MACROD2: variants seen among roughly 807,000 people sequenced by gnomAD.
The protein encoded by MACROD2 is mono-ADP ribosylhydrolase 2, also known as ADP-ribose glycohydrolase MACROD2.
MACROD2 carries 36 observed loss-of-function variants against 70.4 expected under a neutral mutation model. The observed-to-expected ratio is 0.51, with a 90% confidence interval of 0.39 to 0.68. The LOEUF (loss-of-function observed/expected upper bound fraction) is 0.68. Ranked by LOEUF, MACROD2 falls within the 30% of genes least tolerant of loss-of-function variation. MACROD2 has a pLI of 0.00. For missense variants in MACROD2, 496 were observed against 538.4 expected, an observed-to-expected ratio of 0.92 and a Z score of 0.78; for synonymous variants, 172 against 178.8, an observed-to-expected ratio of 0.96 and a Z score of 0.30.
intron 15 of MACROD2, 145 bp from the exon 16 acceptor site, chr20:16,041,056 C>A (rs2067300916): frequency 2.9e-6 from 2 of 694,318 alleles, no homozygotes; most frequent in East Asian, 2.8e-5. Context: ...CCCTCTGTTT[C>A]CTCTTTTAAC....
At chr20:14,457,739 C>T (rs1055868960) in intron 3 of MACROD2, among the ~76,000 whole-genome samples, 9 of 152,000 alleles carry the variant, frequency 5.9e-5, no homozygotes, top group Admixed American at 1.3e-4. Flanking sequence ...ATGTCCACAG[C>T]GGGGGCTGCA....
Position 15,995,649 on chromosome 20 carries a change from C to CTTTTTTTTTTTTTTTTTTTTTTTTTT in MACROD2, c.1153+8511_1153+8512insTTTTTTTTTTTTTTTTTTTTTTTTTT, listed in dbSNP as rs71192310. On this transcript the variant is annotated intron_variant, in intron 15 of 17. Transcript: ENST00000684519. ...ACAGGCATGAGCCACTATGCCCGGCCTTTTTTTTTTTTTTTTTTTTAACTT... is the reference window on the plus strand; with the variant it reads ...ACAGGCATGAGCCACTATGCCCGGCCTTTTTTTTTTTTTTTTTTTTTTTTTTTTTTTTTTTTTTTTTTTTTTAACTT... Among the ~76,000 whole-genome samples, 81 of 85,482 alleles carry CTTTTTTTTTTTTTTTTTTTTTTTTTT rather than the reference C, an allele frequency of 9.5e-4. 5 individuals are homozygous for CTTTTTTTTTTTTTTTTTTTTTTTTTT. The highest frequency in any genetic ancestry group is 9.6e-3 in the Middle Eastern group (1 of 104). The allele number at this position is 85,482 out of a possible 152,430, so 56.1% of individuals were successfully genotyped here.
intron 3 of MACROD2, among the ~76,000 whole-genome samples, chr20:14,179,771 G>C (rs2081291824): frequency 6.6e-6 from 1 of 152,146 alleles, no homozygotes; most frequent in South Asian, 2.1e-4. Flanking sequence ...TGGAAGTACA[G>C]TAGAGCATTT....
intron 8 of MACROD2, among the ~76,000 whole-genome samples, chr20:15,576,452 A>C (rs2048448506): frequency 6.6e-6 from 1 of 152,210 alleles, no homozygotes; most frequent in South Asian, 2.1e-4. Context: ...TTCTGACTGC[A>C]AAAGGCCAAA....
At chr20:15,480,980 A>C (rs936861941) in intron 7 of MACROD2, among the ~76,000 whole-genome samples, 2 of 152,138 alleles carry the variant, frequency 1.3e-5, no homozygotes, top group African/African-American at 4.8e-5. Flanking sequence ...CCCTTTATCA[A>C]ATTTCTGCAT....
intron 9 of MACROD2, among the ~76,000 whole-genome samples, chr20:15,873,741 G>A (rs1045272950): frequency 2.6e-5 from 4 of 151,998 alleles, no homozygotes; most frequent in South Asian, 2.1e-4. Context: ...CGAAAAGTCC[G>A]AAGGTTTAAA....
intron 4 of MACROD2, among the ~76,000 whole-genome samples, chr20:14,598,936 A>G (rs1037476341): frequency 6.6e-6 from 1 of 152,190 alleles, no homozygotes; most frequent in African/African-American, 2.4e-5. Context: ...TATTATAATT[A>G]TATGAATAAG....
chr20:14,864,369 C>A (rs1330375657), intron 5 of MACROD2, among the ~76,000 whole-genome samples: 1 of 152,048 alleles, frequency 6.6e-6, no homozygotes, highest in Non-Finnish European at 1.5e-5. Context: ...CTCCATGTAA[C>A]TTCATGCAGT....
chr20:14,543,112 T>C (rs1302159924), intron 4 of MACROD2, among the ~76,000 whole-genome samples: 1 of 152,126 alleles, frequency 6.6e-6, no homozygotes, highest in Non-Finnish European at 1.5e-5. Flanking sequence ...TGATCACCCC[T>C]TATTCTCAAG....
At chr20:15,414,244 A>G (rs1242137406) in intron 6 of MACROD2, among the ~76,000 whole-genome samples, 1 of 152,180 alleles carries the variant, frequency 6.6e-6, no homozygotes, top group African/African-American at 2.4e-5. Flanking sequence ...TCAGTAGTCT[A>G]AAACTCTTGC....
rs573380902 is a variant in MACROD2 at position 15,628,310 on chromosome 20, A to G, written c.645+128463A>G. ...TAGGTCAGCCTTTATCCCCATTTTCATATAAGCAAACAGATTTAGAGCTCT... is the reference window on the plus strand; with the variant it reads ...TAGGTCAGCCTTTATCCCCATTTTCGTATAAGCAAACAGATTTAGAGCTCT... On this transcript the variant is annotated intron_variant, in intron 8 of 17. Coordinates refer to ENST00000684519, the MANE Select transcript of MACROD2 (RefSeq NM_001351661.2). Among the ~76,000 whole-genome samples, 7 of 152,346 alleles carry G rather than the reference A, an allele frequency of 4.6e-5. No homozygotes were observed. The South Asian group carries it at 1.4e-3, about 32-fold the overall frequency.
intron 5 of MACROD2, among the ~76,000 whole-genome samples, chr20:15,203,042 G>C (rs545397857): frequency 6.6e-6 from 1 of 152,194 alleles, no homozygotes; most frequent in Non-Finnish European, 1.5e-5. Context: ...TTCAATCCCT[G>C]CCACAATTCT....
At chr20:14,470,770 T>C (rs2084520592) in intron 3 of MACROD2, among the ~76,000 whole-genome samples, 1 of 152,004 alleles carries the variant, frequency 6.6e-6, no homozygotes, top group Non-Finnish European at 1.5e-5. Flanking sequence ...GGACGCCCCT[T>C]CCCCCACCAA....
At chr20:15,734,316 C>T (rs6135489) in intron 8 of MACROD2, among the ~76,000 whole-genome samples, 102,661 of 151,910 alleles carry the variant, frequency 0.68, 37,674 homozygotes, top group Non-Finnish European at 0.83. Context: ...TAGGTCTTGA[C>T]GTCATAAACC....
intron 5 of MACROD2, among the ~76,000 whole-genome samples, chr20:14,818,206 A>G (rs1031212385): frequency 2.0e-5 from 3 of 152,144 alleles, no homozygotes; most frequent in African/African-American, 7.2e-5. Flanking sequence ...ACACACCACC[A>G]TCATTGAGGT....
rs2067463101 is a variant in MACROD2 at position 16,051,874 on chromosome 20, A to AT, written c.*2002dup. On this transcript the variant is annotated 3_prime_UTR_variant, in exon 18 of 18. Transcript: ENST00000684519. ...ACATGAGGGAAACAGAGGGACAGAG[A>AT]TTTTCTAATGAACAATGATGGAAGA... 4 of 152,142 alleles carry AT rather than the reference A, an allele frequency of 2.6e-5. No individual in the cohort carries two copies. Among genetic ancestry groups the AT allele is most frequent in the Admixed American group, 2.6e-4 (4 of 15,256 alleles). The allele number at this position is 152,142 out of a possible 1,614,324, so 9.4% of individuals were successfully genotyped here.
intron 8 of MACROD2, among the ~76,000 whole-genome samples, chr20:15,591,015 A>G (rs1432472554): frequency 6.6e-6 from 1 of 152,120 alleles, no homozygotes; most frequent in African/African-American, 2.4e-5. Context: ...GAGAAAAAGA[A>G]AGAAAGAGAA....
intron 3 of MACROD2, among the ~76,000 whole-genome samples, chr20:14,285,172 G>A (rs181876128): frequency 8.5e-4 from 129 of 152,096 alleles, no homozygotes; most frequent in African/African-American, 2.9e-3. Flanking sequence ...TTCAGATTTG[G>A]GATTTTTTCT....
At chr20:15,123,439 G>A (rs1254950523) in intron 5 of MACROD2, among the ~76,000 whole-genome samples, 1 of 152,154 alleles carries the variant, frequency 6.6e-6, no homozygotes, top group Non-Finnish European at 1.5e-5. Context: ...AATTCGGCTA[G>A]TTCAAAGTGA....
Sources: allele counts gnomAD v4.1 joint callset (sites outside exome capture counted in the v4.1 genomes callset), GRCh38; gene constraint gnomAD v4.1.1; transcripts MANE v1.5; gene names NCBI Gene and HGNC (gene_info 2026-07-23, HGNC 2026-07-21).